Variants in PHC2 observed in about 807,000 individuals in gnomAD.
The protein encoded by PHC2 is polyhomeotic homolog 2, also known as polyhomeotic-like protein 2.
PHC2 carries 29 observed loss-of-function variants against 87.4 expected under a neutral mutation model. The observed-to-expected ratio is 0.33, with a 90% CI of 0.25 to 0.45. PHC2 has a LOEUF of 0.45. Among genes scored for constraint, PHC2 ranks in the 20% least tolerant of loss-of-function variants. PHC2 has a pLI of 1.00. For synonymous variants in PHC2, 438 were observed against 461.7 expected (o/e 0.95, Z 0.66); for missense variants, 857 against 1,136.7 (o/e 0.75, Z 3.54).
rs751181018 is a variant in PHC2, at chr1:33,331,512, A to G, written c.1892-50T>C. The G allele has an allele frequency of 1.8e-6, 2 of 1,135,204 alleles. No homozygotes were observed. Among genetic ancestry groups the G allele is most frequent in the Non-Finnish European group, 2.7e-6 (2 of 751,978 alleles). The allele number at this position is 1,135,204 out of a possible 1,614,324, so 70.3% of individuals were successfully genotyped here. ...GTGGAGAATGAGAAATTCCTGCAGG[A>G]CTGTGGCCAGCCCCACCACGGGGCC... On this transcript the variant is annotated intron_variant, in intron 11 of 14. Transcript: ENST00000683057. The surrounding 1 kb of genome is among the most constrained non-coding windows in gnomAD (Gnocchi z 5.2).
At chr1:33,429,497 ATCCT>A (rs2148414215) in intron 1 of PHC2, among the ~76,000 whole-genome samples, 1 of 152,310 alleles carries the variant, frequency 6.6e-6, no homozygotes, top group East Asian at 1.9e-4. Flanking sequence ...ACTCCTATTT[ATCCT>A]TCAACACCTT....
chr1:33,354,760 C>T (rs1264098744), intron 8 of PHC2, 78 bp downstream of exon 8: 1 of 1,501,492 alleles, frequency 6.7e-7, no homozygotes, highest in African/African-American at 1.4e-5. Flanking sequence ...CCCAGAAGCA[C>T]CTCTTGACGG....
chr1:33,351,199 G>C (rs1646965371), intron 9 of PHC2, among the ~76,000 whole-genome samples: 2 of 152,160 alleles, frequency 1.3e-5, no homozygotes, highest in African/African-American at 2.4e-5. Context: ...GAAGGAGTGT[G>C]GTTGTGTTCC....
At chr1:33,363,704 T>C (rs1332071295) in intron 7 of PHC2, 4 of 970,824 alleles carry the variant, frequency 4.1e-6, no homozygotes, top group East Asian at 1.1e-4. Flanking sequence ...TATCACAGCA[T>C]ATCCCTCCCA....
Position 33,372,409 on chromosome 1 carries a change from G to A in PHC2, c.213C>T (p.Ala71=), listed in dbSNP as rs369410302. The part of the protein sequence containing the change: ...QQALHRQPST[A]AQYLQQMYAA... ...CGTACATCTGCTGCAGGTACTGAGC[G>A]GCCGTGCTGGGCTGTCTGTGCAGGG... Residue 71 remains alanine (A), a synonymous_variant, in exon 3 of 15, where the codon GCC becomes GCT. Coordinates refer to ENST00000683057, the MANE Select transcript of PHC2 (RefSeq NM_001385109.1). 1.2e-5 allele frequency: 19 copies of A among 1,599,192 alleles called. No homozygotes were observed. The highest frequency in any genetic ancestry group is 3.7e-4 in the Middle Eastern group (2 of 5,374).
chr1:33,411,383 A>C (rs1275938314), intron 1 of PHC2, among the ~76,000 whole-genome samples: 1 of 152,148 alleles, frequency 6.6e-6, no homozygotes, highest in Admixed American at 6.5e-5. Flanking sequence ...TAGAGATTCT[A>C]AACTACCTTA....
chr1:33,378,158 G>A (rs1277795611), intron 1 of PHC2, among the ~76,000 whole-genome samples: 1 of 152,192 alleles, frequency 6.6e-6, no homozygotes, highest in African/African-American at 2.4e-5. Flanking sequence ...TGATGATGCA[G>A]GAATCAATGA....
At chr1:33,428,121 G>A (rs1036908049) in intron 1 of PHC2, among the ~76,000 whole-genome samples, 35 of 152,252 alleles carry the variant, frequency 2.3e-4, no homozygotes, top group Admixed American at 2.2e-3. Context: ...TTGGGTAGGT[G>A]GCATTATTAC....
chr1:33,334,379 G>T lies in PHC2; in HGVS notation c.1559-87C>A. The T allele has an allele frequency of 8.0e-7, 1 of 1,244,532 alleles. No individual in the cohort carries two copies. Among genetic ancestry groups the T allele is most frequent in the Non-Finnish European group, 1.1e-6 (1 of 873,142 alleles). 77.1% of individuals were successfully genotyped at this position (1,244,532 alleles called of 1,614,324 possible). A position where few individuals can be genotyped will look rare whatever the true frequency, so the allele number is the denominator to read the frequency against. On this transcript the variant is annotated intron_variant, in intron 9 of 14. Transcript: ENST00000683057. This position sits in a 1 kb window ranked among gnomAD's most constrained non-coding sequence, Gnocchi z 5.5. ...GAGGGACAGCAAGGACTCAAACTGC[G>T]CCCGGCTTTTACCGTGGGGCCAAGC...
At chr1:33,329,195 C>T in intron 13 of PHC2, 49 bp from the exon 14 acceptor site, 1 of 1,579,658 alleles carries the variant, frequency 6.3e-7, no homozygotes, top group Non-Finnish European at 8.6e-7. Flanking sequence ...CCATCTCTAG[C>T]AGCAGTGATG....
intron 6 of PHC2, among the ~76,000 whole-genome samples, 196 bp from the exon 7 acceptor site, chr1:33,367,624 G>A (rs1175796271): frequency 3.3e-5 from 5 of 152,152 alleles, no homozygotes; most frequent in East Asian, 1.9e-4. Flanking sequence ...CAGAGGGTTC[G>A]CTGTGACTGC....
intron 2 of PHC2, among the ~76,000 whole-genome samples, chr1:33,373,822 C>T (rs1285250171): frequency 2.0e-5 from 3 of 152,088 alleles, no homozygotes; most frequent in Non-Finnish European, 4.4e-5. Context: ...CTTGCCAGAA[C>T]GGGGCCCAGG....
At chr1:33,329,178 G>T (rs1646435788) in intron 13 of PHC2, 32 bp from the exon 14 acceptor site, 1 of 1,597,558 alleles carries the variant, frequency 6.3e-7, no homozygotes, top group Non-Finnish European at 8.5e-7. Context: ...CAGGATGGGG[G>T]AACAAACCAT....
chr1:33,335,742 A>C (rs1646614310), intron 9 of PHC2, among the ~76,000 whole-genome samples: 1 of 152,084 alleles, frequency 6.6e-6, no homozygotes, highest in African/African-American at 2.4e-5. Flanking sequence ...TCTACTAAGA[A>C]TACAAAAATT....
rs1130800 is a variant in PHC2, at chr1:33,324,367, G to T, written c.*498C>A. On this transcript the variant is annotated 3_prime_UTR_variant, in exon 15 of 15. Transcript: ENST00000683057. ...CTCTCTCCACCTGCAGAGGGTGTAG[G>T]GGGGAGAACCCTGGCTGCTGCAGAA... is the stretch of plus-strand genomic sequence containing the variant. 0.15 allele frequency: 22,959 copies of T among 153,488 alleles called. 2,093 individuals are homozygous for T. Among genetic ancestry groups the T allele is most frequent in the South Asian group, 0.26 (1,259 of 4,900 alleles). The allele number at this position is 153,488 out of a possible 1,614,324, so 9.5% of individuals were successfully genotyped here.
At chr1:33,327,357 G>A (rs1436168217) in intron 14 of PHC2, among the ~76,000 whole-genome samples, 1 of 152,140 alleles carries the variant, frequency 6.6e-6, no homozygotes, top group Non-Finnish European at 1.5e-5. Flanking sequence ...CCTCAATGAT[G>A]AGAGCCTGGA....
chr1:33,385,271 C>A (rs1445208196), intron 1 of PHC2, among the ~76,000 whole-genome samples: 2 of 152,174 alleles, frequency 1.3e-5, no homozygotes, highest in Non-Finnish European at 2.9e-5. Flanking sequence ...ACCCCGACCT[C>A]CCAGAGCTTC....
At position 33,363,740 on chromosome 1, in the gene PHC2, G is replaced by A. The variant is rs1042249806; in HGVS notation, c.976+3376C>T. On this transcript the variant is annotated intron_variant, in intron 7 of 14. Coordinates refer to ENST00000683057, the MANE Select transcript of PHC2 (RefSeq NM_001385109.1). ...GTCAGCAACTTTCTCCTCACCTTTGGGCCTGAGTGTGCACCCAAAGCCTGG... is the reference window on the plus strand; with the variant it reads ...GTCAGCAACTTTCTCCTCACCTTTGAGCCTGAGTGTGCACCCAAAGCCTGG... The A allele has an allele frequency of 4.1e-6, 4 of 984,856 alleles. No homozygotes were observed. In the Admixed American group the frequency reaches 2.5e-4, roughly 61 times the overall value. 61.0% of individuals were successfully genotyped at this position (984,856 alleles called of 1,614,324 possible).
At chr1:33,415,271 T>G (rs889410454) in intron 1 of PHC2, among the ~76,000 whole-genome samples, 2 of 152,174 alleles carry the variant, frequency 1.3e-5, no homozygotes, top group African/African-American at 4.8e-5. Flanking sequence ...GATAGGAAAC[T>G]ACTCAAGACT....
Sources: gnomAD v4.1 joint callset for allele counts (sites outside exome capture counted in the v4.1 genomes callset) on GRCh38, gnomAD v4.1.1 for gene constraint, Gnocchi (gnomAD v3.1) non-coding constraint, MANE v1.5 for transcripts, NCBI Gene and HGNC (gene_info 2026-07-23, HGNC 2026-07-21) for gene names.